DCLK1: variants seen among roughly 807,000 people sequenced by gnomAD.
The protein encoded by DCLK1 is doublecortin like kinase 1, also known as serine/threonine-protein kinase DCLK1.
A neutral mutation model predicts 86.2 loss-of-function variants in DCLK1; 16 were observed. The ratio of observed to expected loss-of-function variants is 0.19; its 90% CI spans 0.13 to 0.28. The LOEUF is 0.28. Among genes scored for constraint, DCLK1 ranks in the 10% least tolerant of loss-of-function variants. The pLI is 1.00. For missense variants in DCLK1, 590 were observed against 940.2 expected (o/e 0.63, Z 4.87); for synonymous variants, 369 against 370.5 (o/e 1.00, Z 0.05).
chr13:35,958,162 T>TCAC (rs1878188983), intron 3 of DCLK1, among the ~76,000 whole-genome samples: 1 of 10,486 alleles, frequency 9.5e-5, no homozygotes, highest in Non-Finnish European at 3.9e-4. Context: ...ACTATAACCA[T>TCAC]CACCACCATC....
intron 15 of DCLK1, among the ~76,000 whole-genome samples, chr13:35,797,465 C>A (rs535080039): frequency 1.6e-4 from 25 of 152,252 alleles, no homozygotes; most frequent in African/African-American, 5.8e-4. Flanking sequence ...GATACTGGGG[C>A]CTGGAGGTGA....
At chr13:36,074,005 T>G (rs1884074728) in intron 3 of DCLK1, among the ~76,000 whole-genome samples, 1 of 152,202 alleles carries the variant, frequency 6.6e-6, no homozygotes, top group Admixed American at 6.5e-5. Flanking sequence ...TGTTTTTTGT[T>G]TTAATTGGAT....
intron 4 of DCLK1, among the ~76,000 whole-genome samples, chr13:35,927,123 G>A (rs1391910438): frequency 6.6e-6 from 1 of 152,126 alleles, no homozygotes; most frequent in African/African-American, 2.4e-5. Flanking sequence ...ATTCCTTAAG[G>A]TTCTTTCAAC....
At chr13:35,917,143 G>A (rs1875465451) in intron 4 of DCLK1, among the ~76,000 whole-genome samples, 1 of 152,012 alleles carries the variant, frequency 6.6e-6, no homozygotes, top group Non-Finnish European at 1.5e-5. Flanking sequence ...ATCAAATCTA[G>A]CACAAAAACA....
chr13:35,894,951 T>C (rs985952885), intron 4 of DCLK1, among the ~76,000 whole-genome samples: 8 of 152,212 alleles, frequency 5.3e-5, no homozygotes, highest in African/African-American at 1.9e-4. Flanking sequence ...ATGCACACTT[T>C]CCTTTTTCTT....
At chr13:35,833,761 T>A (rs1671820539) in intron 8 of DCLK1, among the ~76,000 whole-genome samples, 2 of 152,214 alleles carry the variant, frequency 1.3e-5, no homozygotes, top group Admixed American at 1.3e-4. Context: ...AGCTCGCTTT[T>A]TATTTTCTTG....
intron 8 of DCLK1, among the ~76,000 whole-genome samples, chr13:35,834,048 G>T (rs1387559636): frequency 2.0e-5 from 3 of 152,120 alleles, no homozygotes; most frequent in African/African-American, 7.2e-5. Context: ...CCCAATCCAA[G>T]AACTAGCTAG....
chr13:36,051,096 C>T (rs189727392), intron 3 of DCLK1, among the ~76,000 whole-genome samples: 45 of 152,244 alleles, frequency 3.0e-4, no homozygotes, highest in African/African-American at 1.1e-3. Flanking sequence ...CATTTCCTTT[C>T]GTATTATTTA....
chr13:35,887,515 A>T (rs537009986), intron 4 of DCLK1, among the ~76,000 whole-genome samples: 25 of 152,156 alleles, frequency 1.6e-4, no homozygotes, highest in Non-Finnish European at 2.9e-4. Flanking sequence ...CTCTCCTGTC[A>T]TCTGCCTTAG....
At chr13:36,112,286 C>T (rs1885645920) in intron 2 of DCLK1, 71 bp from the exon 3 acceptor site, 2 of 1,244,660 alleles carry the variant, frequency 1.6e-6, no homozygotes, top group Admixed American at 2.8e-5. Context: ...CTTATCCTCT[C>T]TTTTGCCTTT....
intron 3 of DCLK1, among the ~76,000 whole-genome samples, chr13:36,031,545 C>T (rs1343449856): frequency 6.6e-6 from 1 of 152,182 alleles, no homozygotes; most frequent in Non-Finnish European, 1.5e-5. Context: ...TTATTGCCAG[C>T]AGGCCTTAAA....
At chr13:36,062,962 G>A (rs1020729722) in intron 3 of DCLK1, among the ~76,000 whole-genome samples, 14 of 152,132 alleles carry the variant, frequency 9.2e-5, no homozygotes, top group Non-Finnish European at 1.3e-4. Context: ...CATAATGCAA[G>A]GTCTTTGTGT....
intron 3 of DCLK1, among the ~76,000 whole-genome samples, chr13:36,033,564 G>A (rs1294015722): frequency 1.3e-5 from 2 of 152,034 alleles, no homozygotes; most frequent in African/African-American, 2.4e-5. Flanking sequence ...CTTACCATAT[G>A]GGACGGCTGT....
At chr13:35,868,008 A>C (rs1478473583) in intron 5 of DCLK1, among the ~76,000 whole-genome samples, 3 of 150,274 alleles carry the variant, frequency 2.0e-5, no homozygotes, top group African/African-American at 7.4e-5. Context: ...TAGAGTATCT[A>C]ACAACCTACA....
chr13:36,090,530 G>A (rs117414130), intron 3 of DCLK1, among the ~76,000 whole-genome samples: 2,038 of 152,250 alleles, frequency 0.013, 19 homozygotes, highest in Non-Finnish European at 0.022. Flanking sequence ...TACACGCCAC[G>A]CTGGGACAAA....
chr13:36,073,097 C>A (rs1490462459), intron 3 of DCLK1, among the ~76,000 whole-genome samples: 1 of 152,188 alleles, frequency 6.6e-6, no homozygotes, highest in Non-Finnish European at 1.5e-5. Flanking sequence ...TGAGGTATAA[C>A]TTACATGCCA....
chr13:35,815,013 G>T (rs1234719638), intron 11 of DCLK1, among the ~76,000 whole-genome samples: 1 of 152,160 alleles, frequency 6.6e-6, no homozygotes, highest in Non-Finnish European at 1.5e-5. Context: ...CAACAATTAT[G>T]AAAAAGGTTC....
chr13:35,948,614 A>G (rs1191960305), intron 3 of DCLK1, among the ~76,000 whole-genome samples: 2 of 152,186 alleles, frequency 1.3e-5, no homozygotes, highest in African/African-American at 2.4e-5. Flanking sequence ...AGAGTCCCCA[A>G]ATGCAATGAT....
At chr13:35,911,851 G>C (rs1875053093) in intron 4 of DCLK1, among the ~76,000 whole-genome samples, 1 of 152,154 alleles carries the variant, frequency 6.6e-6, no homozygotes, top group African/African-American at 2.4e-5. Flanking sequence ...GGCCCCAGCA[G>C]TGGGCTGATT....
Sources: allele counts gnomAD v4.1 joint callset (sites outside exome capture counted in the v4.1 genomes callset), GRCh38; gene constraint gnomAD v4.1.1; transcripts MANE v1.5; gene names NCBI Gene and HGNC (gene_info 2026-07-23, HGNC 2026-07-21).